Variants in SH3RF3 observed in about 807,000 individuals in gnomAD.
The protein encoded by SH3RF3 is SH3 domain containing ring finger 3, also known as E3 ubiquitin-protein ligase SH3RF3.
SH3RF3 carries 29 observed loss-of-function variants against 66.3 expected under a neutral mutation model. That is an observed-to-expected ratio of 0.44 (90% CI 0.33 to 0.60). The LOEUF (loss-of-function observed/expected upper bound fraction) is 0.60, where lower values mean the gene tolerates loss of function less well. SH3RF3 is among the 20% of genes least tolerant of loss of function. The pLI, the probability that SH3RF3 is intolerant of heterozygous loss-of-function variation, is 0.04. For missense variants in SH3RF3, 1,194 were observed against 1,190.9 expected (o/e 1.00, Z -0.04); for synonymous variants, 583 against 532.0 (o/e 1.10, Z -1.32).
intron 1 of SH3RF3, among the ~76,000 whole-genome samples, chr2:109,220,201 G>A (rs1312695159): frequency 6.6e-6 from 1 of 152,208 alleles, no homozygotes; most frequent in East Asian, 1.9e-4. Context: ...AACAAATGGT[G>A]CTGGGAAAAC....
Position 109,234,213 on chromosome 2 carries a change from T to A in SH3RF3, c.573+104100T>A, listed in dbSNP as rs547315877. Among the ~76,000 whole-genome samples, 13 of 152,308 alleles carry A rather than the reference T, an allele frequency of 8.5e-5. No individual in the cohort carries two copies. The South Asian group carries it at 2.7e-3, about 32-fold the overall frequency. Reference sequence around the variant, plus strand: ...AGGCCATTGGAATCTCTGAATTTGTTATTAGTCAGTTACTTTTCTGAATGG... The same window carrying A: ...AGGCCATTGGAATCTCTGAATTTGTAATTAGTCAGTTACTTTTCTGAATGG... On this transcript the variant is annotated intron_variant, in intron 1 of 9. Coordinates refer to ENST00000309415, the MANE Select transcript of SH3RF3 (RefSeq NM_001099289.3).
chr2:109,267,267 G>A (rs1429870978), intron 1 of SH3RF3, among the ~76,000 whole-genome samples: 1 of 152,134 alleles, frequency 6.6e-6, no homozygotes, highest in African/African-American at 2.4e-5. Flanking sequence ...ACCAGACATA[G>A]CTTCCTGTTA....
At chr2:109,451,567 G>A (rs1677867841) in intron 8 of SH3RF3, among the ~76,000 whole-genome samples, 1 of 152,206 alleles carries the variant, frequency 6.6e-6, no homozygotes. Context: ...GGAGGATGAT[G>A]CTGTTCCCCA....
At chr2:109,276,736 A>G (rs1265651333) in intron 1 of SH3RF3, among the ~76,000 whole-genome samples, 2 of 152,182 alleles carry the variant, frequency 1.3e-5, no homozygotes, top group African/African-American at 4.8e-5. Context: ...CTTTTGTGAT[A>G]CCTCAGCCTT....
intron 5 of SH3RF3, among the ~76,000 whole-genome samples, chr2:109,430,478 TGTCCTCTCCCC>T (rs375773970): frequency 1.3e-5 from 2 of 151,932 alleles, no homozygotes; most frequent in Non-Finnish European, 2.9e-5. Context: ...TTTCTTCCTC[TGTCCTCTCCCC>T]GTCCTCTCCC....
intron 1 of SH3RF3, among the ~76,000 whole-genome samples, chr2:109,228,220 G>C (rs1358076118): frequency 6.6e-6 from 1 of 152,076 alleles, no homozygotes; most frequent in Non-Finnish European, 1.5e-5. Flanking sequence ...AGCCCTCCTA[G>C]TCCCCAGGAA....
chr2:109,408,706 T>G (rs1676512600), intron 4 of SH3RF3, among the ~76,000 whole-genome samples: 1 of 152,154 alleles, frequency 6.6e-6, no homozygotes, highest in Non-Finnish European at 1.5e-5. Flanking sequence ...AACAAAAGGA[T>G]TTTTCAAAGT....
intron 4 of SH3RF3, among the ~76,000 whole-genome samples, chr2:109,402,975 C>T (rs985986793): frequency 6.6e-6 from 1 of 152,050 alleles, no homozygotes; most frequent in East Asian, 1.9e-4. Context: ...TCCAACGCAT[C>T]GACTGCAGTT....
Position 109,254,993 on chromosome 2 carries a change from T to G in SH3RF3, c.574-92681T>G, listed in dbSNP as rs80337327. 7.2e-5 allele frequency among the ~76,000 whole-genome samples: 11 copies of G among 152,266 alleles called. No individual in the cohort carries two copies. In the East Asian group the frequency reaches 2.1e-3, roughly 29 times the overall value. On this transcript the variant is annotated intron_variant, in intron 1 of 9. Transcript: ENST00000309415. ...GGCTCTGTGGTTCAGGTTAGGTTAC[T>G]CCATTAGATCATTTGTATCTGGAAA...
At chr2:109,416,277 TC>T (rs1386506223) in intron 4 of SH3RF3, among the ~76,000 whole-genome samples, 2 of 151,956 alleles carry the variant, frequency 1.3e-5, no homozygotes, top group African/African-American at 2.4e-5. Context: ...ACGCTGAACT[TC>T]CTAGGGCTGC....
At chr2:109,395,010 G>A (rs1350772203) in intron 3 of SH3RF3, among the ~76,000 whole-genome samples, 1 of 152,234 alleles carries the variant, frequency 6.6e-6, no homozygotes, top group Non-Finnish European at 1.5e-5. Flanking sequence ...CTTCTGATTG[G>A]GATGGCACCG....
intron 8 of SH3RF3, among the ~76,000 whole-genome samples, chr2:109,489,805 T>G (rs1431779421): frequency 6.6e-6 from 1 of 152,142 alleles, no homozygotes; most frequent in Non-Finnish European, 1.5e-5. Flanking sequence ...TGGCGCAATC[T>G]CAGCTCACTG....
chr2:109,166,532 C>T (rs1323788589), intron 1 of SH3RF3, among the ~76,000 whole-genome samples: 1 of 151,780 alleles, frequency 6.6e-6, no homozygotes, highest in Non-Finnish European at 1.5e-5. Context: ...ACAGCTCTCT[C>T]TGCTCAATGT....
chr2:109,372,057 C>T (rs1407113118), intron 3 of SH3RF3, among the ~76,000 whole-genome samples: 3 of 152,200 alleles, frequency 2.0e-5, no homozygotes, highest in Non-Finnish European at 4.4e-5. Context: ...GGGAAGAACC[C>T]GTCCCAAGGC....
At chr2:109,149,178 A>G (rs1488330182) in intron 1 of SH3RF3, among the ~76,000 whole-genome samples, 1 of 152,168 alleles carries the variant, frequency 6.6e-6, no homozygotes, top group Middle Eastern at 3.2e-3. Context: ...GGCAGGACTC[A>G]GGGCAGGGCC....
At chr2:109,452,907 A>T (rs1324779825) in intron 8 of SH3RF3, among the ~76,000 whole-genome samples, 1 of 130,380 alleles carries the variant, frequency 7.7e-6, no homozygotes, top group Non-Finnish European at 1.6e-5. Flanking sequence ...TGGTCCCGGG[A>T]GGCTGGTGCC....
chr2:109,287,403 C>T (rs1019991800), intron 1 of SH3RF3, among the ~76,000 whole-genome samples: 3 of 152,144 alleles, frequency 2.0e-5, no homozygotes, highest in Admixed American at 1.3e-4. Flanking sequence ...TATCTGTGGG[C>T]TTACAGTGAC....
At chr2:109,399,475 CCAAAG>C (rs902694735) in intron 4 of SH3RF3, among the ~76,000 whole-genome samples, 4 of 151,150 alleles carry the variant, frequency 2.6e-5, no homozygotes, top group African/African-American at 7.3e-5. Context: ...ATTGAAGTAA[CCAAAG>C]CAAAGTATTT....
intron 4 of SH3RF3, among the ~76,000 whole-genome samples, chr2:109,400,877 T>C (rs547787064): frequency 9.2e-5 from 14 of 152,340 alleles, no homozygotes; most frequent in South Asian, 6.2e-4. Context: ...AGAACAGCCA[T>C]TGGGGCTGCT....
Sources: gnomAD v4.1 joint callset for allele counts (sites outside exome capture counted in the v4.1 genomes callset) on GRCh38, gnomAD v4.1.1 for gene constraint, MANE v1.5 for transcripts, NCBI Gene and HGNC (gene_info 2026-07-23, HGNC 2026-07-21) for gene names.